Variants in CDH13 observed in about 807,000 individuals in gnomAD.
The protein encoded by CDH13 is cadherin-13.
A neutral mutation model predicts 63.8 loss-of-function variants in CDH13; 24 were observed. The observed-to-expected ratio is 0.38, with a 90% CI of 0.27 to 0.53. CDH13 has a LOEUF of 0.53. Ranked by LOEUF, CDH13 falls within the 20% of genes least tolerant of loss-of-function variation. The pLI, the probability that CDH13 is intolerant of heterozygous loss-of-function variation, is 0.85. For missense variants in CDH13, 1,049 were observed against 903.1 expected (o/e 1.16, Z -2.07); for synonymous variants, 503 against 355.3 (o/e 1.42, Z -4.67).
At chr16:83,668,567 C>T (rs957111934) in intron 8 of CDH13, among the ~76,000 whole-genome samples, 1 of 152,222 alleles carries the variant, frequency 6.6e-6, no homozygotes, top group Non-Finnish European at 1.5e-5. Context: ...TATGAGCTGA[C>T]ATCCACTTTG....
chr16:82,648,415 T>C (rs3852730), intron 1 of CDH13, among the ~76,000 whole-genome samples: 33,783 of 152,098 alleles, frequency 0.22, 5,137 homozygotes, highest in African/African-American at 0.43. Flanking sequence ...TGCAAATAGG[T>C]TAGATTTCCA....
intron 10 of CDH13, among the ~76,000 whole-genome samples, chr16:83,680,503 G>T (rs1475849510): frequency 6.6e-6 from 1 of 152,196 alleles, no homozygotes; most frequent in African/African-American, 2.4e-5. Flanking sequence ...GTGCCTGGGA[G>T]AGCTGAGACA....
At chr16:82,719,603 T>G (rs2032626647) in intron 1 of CDH13, 1 of 352,518 alleles carries the variant, frequency 2.8e-6, no homozygotes, top group African/African-American at 2.1e-5. Flanking sequence ...CCCAGCACTT[T>G]GACAAGCCAA....
chr16:83,135,779 T>A (rs945269097), intron 4 of CDH13, among the ~76,000 whole-genome samples: 2 of 152,170 alleles, frequency 1.3e-5, no homozygotes, highest in African/African-American at 4.8e-5. Context: ...CAAATGCCCA[T>A]CAATCCACAA....
intron 2 of CDH13, among the ~76,000 whole-genome samples, chr16:82,901,452 T>C (rs1489204840): frequency 6.6e-6 from 1 of 150,814 alleles, no homozygotes; most frequent in African/African-American, 2.4e-5. Context: ...CTGACAAAGA[T>C]GGTGGGCTGA....
intron 4 of CDH13, among the ~76,000 whole-genome samples, chr16:83,171,822 C>T (rs1471488896): frequency 6.6e-6 from 1 of 152,086 alleles, no homozygotes; most frequent in East Asian, 1.9e-4. Flanking sequence ...ATGAATACCT[C>T]CACCGGTGCA....
intron 3 of CDH13, among the ~76,000 whole-genome samples, chr16:83,107,199 G>A (rs1187455347): frequency 2.0e-5 from 3 of 152,158 alleles, no homozygotes; most frequent in Non-Finnish European, 2.9e-5. Context: ...TAGTCATACT[G>A]CAGGGGGTTG....
chr16:83,082,639 C>T (rs2033332996), intron 3 of CDH13, among the ~76,000 whole-genome samples: 1 of 152,038 alleles, frequency 6.6e-6, no homozygotes, highest in Non-Finnish European at 1.5e-5. Context: ...ACAAGACTGT[C>T]TCAACAACAA....
chr16:82,697,293 G>A (rs1720558586), intron 1 of CDH13, among the ~76,000 whole-genome samples: 1 of 152,054 alleles, frequency 6.6e-6, no homozygotes, highest in South Asian at 2.1e-4. Context: ...TAATAGCACA[G>A]TTGATCCATA....
intron 2 of CDH13, among the ~76,000 whole-genome samples, chr16:82,921,662 A>C (rs1318392507): frequency 6.6e-6 from 1 of 152,118 alleles, no homozygotes; most frequent in East Asian, 1.9e-4. Flanking sequence ...TATGTTGTCG[A>C]GGATTTTGTT....
At chr16:82,831,488 C>G (rs2038538275) in intron 1 of CDH13, among the ~76,000 whole-genome samples, 1 of 152,056 alleles carries the variant, frequency 6.6e-6, no homozygotes, top group African/African-American at 2.4e-5. Context: ...AGACCAAAAT[C>G]TTTCAAGTAA....
intron 2 of CDH13, chr16:82,884,531 G>A (rs2040815520): frequency 4.6e-6 from 1 of 215,766 alleles, no homozygotes. Context: ...AGGGAAGCAA[G>A]AGAAGCCAGG....
At chr16:83,387,206 A>G (rs776299253) in intron 6 of CDH13, among the ~76,000 whole-genome samples, 1 of 152,164 alleles carries the variant, frequency 6.6e-6, no homozygotes, top group Non-Finnish European at 1.5e-5. Flanking sequence ...CAAGGTACCC[A>G]TTCTTATGCT....
At chr16:83,387,798 C>T (rs2091703976) in intron 6 of CDH13, among the ~76,000 whole-genome samples, 1 of 152,140 alleles carries the variant, frequency 6.6e-6, no homozygotes, top group African/African-American at 2.4e-5. Context: ...TACAGCAGTC[C>T]CCCTGGCACT....
At chr16:83,220,109 G>C (rs2039652229) in intron 5 of CDH13, among the ~76,000 whole-genome samples, 1 of 152,152 alleles carries the variant, frequency 6.6e-6, no homozygotes, top group African/African-American at 2.4e-5. Context: ...GGCTCATGAG[G>C]GCCTACTTTC....
At chr16:83,346,286 G>T (rs559390983) in intron 6 of CDH13, among the ~76,000 whole-genome samples, 10 of 152,316 alleles carry the variant, frequency 6.6e-5, no homozygotes, top group African/African-American at 2.2e-4. Context: ...GACAATCCAC[G>T]TGGCCCCTCT....
intron 2 of CDH13, among the ~76,000 whole-genome samples, chr16:82,967,556 C>T (rs1434718003): frequency 6.6e-6 from 1 of 152,306 alleles, no homozygotes; most frequent in East Asian, 1.9e-4. Context: ...GCGTGGGAAG[C>T]CCACAGGAAC....
chr16:82,804,312 C>T (rs2318183), intron 1 of CDH13, among the ~76,000 whole-genome samples: 100,989 of 148,146 alleles, frequency 0.68, 37,151 homozygotes, highest in South Asian at 0.81. Context: ...CACACACACA[C>T]GCACACACAT....
At chr16:83,420,114 G>A (rs916025771) in intron 6 of CDH13, among the ~76,000 whole-genome samples, 1 of 152,036 alleles carries the variant, frequency 6.6e-6, no homozygotes, top group Non-Finnish European at 1.5e-5. Context: ...ATATAAAAGA[G>A]AAATTCTCAA....
Sources: allele counts gnomAD v4.1 joint callset (sites outside exome capture counted in the v4.1 genomes callset), GRCh38; gene constraint gnomAD v4.1.1; transcripts MANE v1.5; gene names NCBI Gene and HGNC (gene_info 2026-07-23, HGNC 2026-07-21).